The following TMEM38B variants were observed in gnomAD, a reference collection of about 807,000 sequenced individuals.
TMEM38B encodes the protein transmembrane protein 38B.
Under a neutral mutation model 28.7 loss-of-function variants are expected in TMEM38B, and 24 were observed. The ratio of observed to expected loss-of-function variants is 0.84; its 90% CI spans 0.61 to 1.18. The LOEUF is 1.18. Ranked by LOEUF, TMEM38B falls within the 50% of genes most tolerant of loss-of-function variation. TMEM38B has a pLI of 0.00. For missense variants in TMEM38B, 380 were observed against 350.9 expected, an observed-to-expected ratio of 1.08 and a Z score of -0.66; for synonymous variants, 131 against 127.7, an observed-to-expected ratio of 1.03 and a Z score of -0.17.
rs114271008 is a variant in TMEM38B at position 105,743,003 on chromosome 9, C to T, written c.543-5070C>T. On this transcript the variant is annotated intron_variant, in intron 4 of 5. Transcript: ENST00000374692. ...CACCGTTCTAAAACATGACTGTTGG[C>T]GGTGCATTTGGTGGTCCCGCGGATC... Among the ~76,000 whole-genome samples, 762 of 151,990 alleles carry T rather than the reference C, an allele frequency of 5.0e-3. 12 individuals are homozygous for T. The highest frequency in any genetic ancestry group is 0.017 in the African/African-American group (721 of 41,470).
chr9:105,739,325 A>G (rs1307847010), intron 4 of TMEM38B, among the ~76,000 whole-genome samples: 10 of 147,094 alleles, frequency 6.8e-5, no homozygotes, highest in Admixed American at 6.1e-4. Context: ...TTTTTCCAAG[A>G]TTGTTTTGGC....
chr9:105,750,946 G>A (rs1462061774), intron 5 of TMEM38B, among the ~76,000 whole-genome samples: 2 of 152,172 alleles, frequency 1.3e-5, no homozygotes, highest in Non-Finnish European at 2.9e-5. Flanking sequence ...TCAGTTGACT[G>A]TAAATTTGAG....
In TMEM38B at chr9:105,758,241, C is replaced by T. The variant is rs1177448843; in HGVS notation, c.660+10051C>T. On this transcript the variant is annotated intron_variant, in intron 5 of 5. Coordinates refer to ENST00000374692, the MANE Select transcript of TMEM38B (RefSeq NM_018112.3). ...GCCCTTCAGGCGGGCATGTATTATT[C>T]GTCCTACTTTACCAGTGTGGACACT... 75 of 659,862 alleles carry T rather than the reference C, an allele frequency of 1.1e-4. 2 individuals are homozygous for T. The highest frequency in any genetic ancestry group is 8.3e-4 in the South Asian group (47 of 56,288). 40.9% of individuals were successfully genotyped at this position (659,862 alleles called of 1,614,324 possible).
rs1435692507 is a variant in TMEM38B, at chr9:105,712,664, A to T, written c.269+6911A>T. ...GTGCCTATTAATTAGAAATTGCAAA[A>T]TGAAGATAGTCTAGTTTTATCTTTT... is the stretch of plus-strand genomic sequence containing the variant. On this transcript the variant is annotated intron_variant, in intron 2 of 5. Coordinates refer to ENST00000374692, the MANE Select transcript of TMEM38B (RefSeq NM_018112.3). 5.9e-5 allele frequency among the ~76,000 whole-genome samples: 9 copies of T among 152,366 alleles called. No homozygotes were observed. The South Asian group carries it at 1.4e-3, about 25-fold the overall frequency.
chr9:105,718,290 G>A (rs1213016893), intron 2 of TMEM38B, among the ~76,000 whole-genome samples: 3 of 150,832 alleles, frequency 2.0e-5, no homozygotes, highest in African/African-American at 7.3e-5. Flanking sequence ...CTAGGCTGGA[G>A]TGCAATGGCA....
At chr9:105,738,753 CCGT>C (rs1183369065) in intron 4 of TMEM38B, among the ~76,000 whole-genome samples, 1 of 132,554 alleles carries the variant, frequency 7.5e-6, no homozygotes, top group African/African-American at 3.1e-5. Flanking sequence ...AGGTCTCACT[CCGT>C]CGCCCAGGCT....
At position 105,774,197 on chromosome 9, in the gene TMEM38B, G is replaced by C; in HGVS notation, c.*117G>C. The C allele has an allele frequency of 1.2e-6, 1 of 822,604 alleles. No individual in the cohort carries two copies. Among genetic ancestry groups the C allele is most frequent in the Non-Finnish European group, 1.9e-6 (1 of 532,072 alleles). The allele number at this position is 822,604 out of a possible 1,614,324, so 51.0% of individuals were successfully genotyped here. A position where few individuals can be genotyped will look rare whatever the true frequency, so the allele number is the denominator to read the frequency against. On this transcript the variant is annotated 3_prime_UTR_variant, in exon 6 of 6. Transcript: ENST00000374692. ...AAGACTATATATATGGAATGGAGGT[G>C]ACAGAAAGAAAGAAATTCTTTGTTT...
intron 4 of TMEM38B, 40 bp downstream of exon 4, chr9:105,722,661 C>T: frequency 6.6e-7 from 1 of 1,515,134 alleles, no homozygotes; most frequent in Non-Finnish European, 9.1e-7. Flanking sequence ...AGATGTTTAT[C>T]CTTAGATCTT....
chr9:105,724,150 A>AT (rs1836425691), intron 4 of TMEM38B, among the ~76,000 whole-genome samples: 1 of 152,212 alleles, frequency 6.6e-6, no homozygotes, highest in Non-Finnish European at 1.5e-5. Context: ...CTCAGTCTTA[A>AT]ATAAGTCACA....
chr9:105,699,381 C>T (rs1442972023), intron 1 of TMEM38B, among the ~76,000 whole-genome samples: 5 of 152,192 alleles, frequency 3.3e-5, no homozygotes, highest in Admixed American at 3.3e-4. Context: ...ATATATCCTA[C>T]TGCCAGAGTT....
chr9:105,725,550 T>A (rs1451877702), intron 4 of TMEM38B, among the ~76,000 whole-genome samples: 1 of 152,058 alleles, frequency 6.6e-6, no homozygotes, highest in East Asian at 1.9e-4. Context: ...CAAGTATACT[T>A]ACACAAACCT....
intron 4 of TMEM38B, 80 bp from the exon 5 acceptor site, chr9:105,747,993 G>A: frequency 2.2e-6 from 2 of 906,350 alleles, no homozygotes; most frequent in East Asian, 2.4e-5. Context: ...TTAAGTTAAT[G>A]TTTTGCAGTG....
chr9:105,735,496 C>G (rs1836939367), intron 4 of TMEM38B, among the ~76,000 whole-genome samples: 1 of 152,094 alleles, frequency 6.6e-6, no homozygotes, highest in African/African-American at 2.4e-5. Flanking sequence ...ATTCCCTCAG[C>G]TTTTGCTTAT....
At chr9:105,728,497 A>G (rs559260598) in intron 4 of TMEM38B, among the ~76,000 whole-genome samples, 14 of 152,288 alleles carry the variant, frequency 9.2e-5, no homozygotes, top group African/African-American at 2.9e-4. Flanking sequence ...ATTGATGGAC[A>G]TTTTGGTTGG....
chr9:105,751,864 C>G (rs969746012), intron 5 of TMEM38B, among the ~76,000 whole-genome samples: 9 of 152,116 alleles, frequency 5.9e-5, no homozygotes, highest in Admixed American at 3.3e-4. Context: ...GACCCTGATT[C>G]ATTCCTCCTC....
intron 2 of TMEM38B, among the ~76,000 whole-genome samples, chr9:105,708,243 A>G (rs973530904): frequency 2.6e-5 from 4 of 152,230 alleles, no homozygotes; most frequent in African/African-American, 9.6e-5. Context: ...TAACAATGCA[A>G]CAATAAAAAT....
intron 5 of TMEM38B, among the ~76,000 whole-genome samples, chr9:105,753,520 T>C (rs956429814): frequency 1.3e-5 from 2 of 152,174 alleles, no homozygotes; most frequent in South Asian, 2.1e-4. Flanking sequence ...TTCAATATTC[T>C]TAAAGAAAAG....
chr9:105,714,101 C>T (rs1836007757), intron 2 of TMEM38B, among the ~76,000 whole-genome samples: 1 of 131,210 alleles, frequency 7.6e-6, no homozygotes, highest in Admixed American at 7.6e-5. Context: ...GAGAGCCGAG[C>T]ACTTGTTGGG....
intron 5 of TMEM38B, chr9:105,749,152 C>A (rs1444154382): frequency 1.6e-6 from 2 of 1,267,714 alleles, no homozygotes; most frequent in Non-Finnish European, 2.1e-6. Flanking sequence ...CATGTAGTCT[C>A]TTCCAGTCCT....
Sources: gnomAD v4.1 joint callset for allele counts (sites outside exome capture counted in the v4.1 genomes callset) on GRCh38, gnomAD v4.1.1 for gene constraint, MANE v1.5 for transcripts, NCBI Gene and HGNC (gene_info 2026-07-23, HGNC 2026-07-21) for gene names.